CNTNAP2: variants seen among roughly 807,000 people sequenced by gnomAD.
The protein encoded by CNTNAP2 is contactin associated protein 2, also known as contactin-associated protein-like 2.
A neutral mutation model predicts 155.2 loss-of-function variants in CNTNAP2; 98 were observed. The observed-to-expected ratio is 0.63, with a 90% CI of 0.54 to 0.75. CNTNAP2 has a LOEUF of 0.75. Among genes scored for constraint, CNTNAP2 ranks in the 30% least tolerant of loss-of-function variants. The pLI, the probability that CNTNAP2 is intolerant of heterozygous loss-of-function variation, is 0.00. For synonymous variants in CNTNAP2, 651 were observed against 631.2 expected (o/e 1.03, Z -0.47); for missense variants, 1,727 against 1,688.1 (o/e 1.02, Z -0.40).
At chr7:146,746,998 G>C (rs1002969053) in intron 1 of CNTNAP2, among the ~76,000 whole-genome samples, 1 of 152,046 alleles carries the variant, frequency 6.6e-6, no homozygotes, top group African/African-American at 2.4e-5. Flanking sequence ...AGAGTATAAA[G>C]CTCTTGATAC....
chr7:148,050,985 C>G lies in CNTNAP2; in HGVS notation c.2384-67133C>G, dbSNP rs2710134. Reference sequence around the variant, plus strand: ...GCATTCTGTGATGTTTGCATGACAACAAAATTGCCTAGAGACACACTCCTC... The same window carrying G: ...GCATTCTGTGATGTTTGCATGACAAGAAAATTGCCTAGAGACACACTCCTC... On this transcript the variant is annotated intron_variant, in intron 15 of 23. Coordinates refer to ENST00000361727, the MANE Select transcript of CNTNAP2 (RefSeq NM_014141.6). Among the ~76,000 whole-genome samples the G allele has an allele frequency of 9.5e-3, 1,443 of 152,270 alleles. 26 individuals are homozygous for G. Among genetic ancestry groups the G allele is most frequent in the African/African-American group, 0.033 (1,383 of 41,534 alleles).
chr7:146,306,910 A>G (rs1800723405), intron 1 of CNTNAP2, among the ~76,000 whole-genome samples: 1 of 152,154 alleles, frequency 6.6e-6, no homozygotes, highest in South Asian at 2.1e-4. Context: ...ATTCCCTTTG[A>G]AAACGGGCAC....
chr7:147,460,806 A>G (rs1798008898), intron 10 of CNTNAP2, among the ~76,000 whole-genome samples: 1 of 152,236 alleles, frequency 6.6e-6, no homozygotes, highest in African/African-American at 2.4e-5. Context: ...CATCTGATGC[A>G]GCTGTCAGTG....
At chr7:146,248,287 C>T (rs1484498463) in intron 1 of CNTNAP2, among the ~76,000 whole-genome samples, 1 of 151,856 alleles carries the variant, frequency 6.6e-6, no homozygotes, top group African/African-American at 2.4e-5. Context: ...GTTTCTTGCC[C>T]CCCAGAAAGG....
chr7:147,802,181 C>T (rs860390), intron 13 of CNTNAP2, among the ~76,000 whole-genome samples: 9,977 of 137,120 alleles, frequency 0.073, 1,157 homozygotes, highest in African/African-American at 0.26. Flanking sequence ...CCAGACGGGG[C>T]GGCGGGGCAG....
chr7:146,397,682 C>A (rs1170712862), intron 1 of CNTNAP2, among the ~76,000 whole-genome samples: 1 of 151,916 alleles, frequency 6.6e-6, no homozygotes, highest in African/African-American at 2.4e-5. Flanking sequence ...TCTGGAAATA[C>A]CCACCCCTCC....
chr7:146,455,619 T>A (rs1015256108), intron 1 of CNTNAP2, among the ~76,000 whole-genome samples: 1 of 152,168 alleles, frequency 6.6e-6, no homozygotes, highest in Non-Finnish European at 1.5e-5. Context: ...TAATTTAAAA[T>A]TCATAGGGTC....
chr7:147,277,284 C>G (rs1000787542), intron 8 of CNTNAP2, among the ~76,000 whole-genome samples: 1 of 151,852 alleles, frequency 6.6e-6, no homozygotes, highest in African/African-American at 2.4e-5. Context: ...TCTCCATTTA[C>G]GTAGTCATAG....
intron 2 of CNTNAP2, among the ~76,000 whole-genome samples, chr7:146,805,588 A>AG (rs1261724724): frequency 4.6e-5 from 7 of 152,192 alleles, no homozygotes; most frequent in Non-Finnish European, 1.0e-4. Flanking sequence ...GAACAGCAAG[A>AG]GGGAGGGATG....
chr7:147,101,127 C>G (rs77855867), intron 4 of CNTNAP2, among the ~76,000 whole-genome samples: 1 of 152,214 alleles, frequency 6.6e-6, no homozygotes, highest in South Asian at 2.1e-4. Context: ...CGTTTACCAT[C>G]AGGAGCACAT....
In CNTNAP2 at chr7:146,278,684, A is replaced by T. The variant is rs547617197; in HGVS notation, c.97+161711A>T. Among the ~76,000 whole-genome samples the T allele has an allele frequency of 5.9e-5, 9 of 152,298 alleles. No homozygotes were observed. In the South Asian group the frequency reaches 1.7e-3, roughly 28 times the overall value. ...TCTTGAAGGTATCATTTTGCCTGAC[A>T]GTATAAGCAAAAAGCAGAAAATAGT... On this transcript the variant is annotated intron_variant, in intron 1 of 23. Transcript: ENST00000361727.
chr7:147,064,955 T>A (rs980717371), intron 4 of CNTNAP2, among the ~76,000 whole-genome samples: 3 of 152,112 alleles, frequency 2.0e-5, no homozygotes, highest in Non-Finnish European at 4.4e-5. Flanking sequence ...CCTGTCCAAA[T>A]GAAAAATAAA....
intron 22 of CNTNAP2, among the ~76,000 whole-genome samples, chr7:148,387,407 C>T (rs1799235781): frequency 6.6e-6 from 1 of 152,168 alleles, no homozygotes; most frequent in South Asian, 2.1e-4. Context: ...GCCTTTCTAC[C>T]TGTAAATAAC....
chr7:148,292,475 A>T (rs970204711), intron 21 of CNTNAP2, among the ~76,000 whole-genome samples: 1 of 152,222 alleles, frequency 6.6e-6, no homozygotes, highest in African/African-American at 2.4e-5. Context: ...GTTTGTAGTG[A>T]TGAAAACAAA....
At chr7:146,368,406 A>T (rs1197072376) in intron 1 of CNTNAP2, among the ~76,000 whole-genome samples, 1 of 152,144 alleles carries the variant, frequency 6.6e-6, no homozygotes, top group Non-Finnish European at 1.5e-5. Flanking sequence ...AACATCCCAG[A>T]TTGGTATGGT....
chr7:146,904,948 C>CAAAA (rs930052997), intron 3 of CNTNAP2, among the ~76,000 whole-genome samples: 1 of 152,138 alleles, frequency 6.6e-6, no homozygotes, highest in African/African-American at 2.4e-5. Flanking sequence ...TTTGTCCTTA[C>CAAAA]ACCTTACCAC....
chr7:146,277,352 A>G (rs1800180762), intron 1 of CNTNAP2, among the ~76,000 whole-genome samples: 1 of 152,202 alleles, frequency 6.6e-6, no homozygotes, highest in Non-Finnish European at 1.5e-5. Flanking sequence ...GAAGAAATAT[A>G]TAGGAGTAAA....
intron 1 of CNTNAP2, among the ~76,000 whole-genome samples, chr7:146,708,132 T>A (rs369468931): frequency 6.6e-5 from 10 of 152,230 alleles, no homozygotes; most frequent in African/African-American, 2.4e-4. Flanking sequence ...CAATGAACAC[T>A]TATAGCCTGT....
intron 17 of CNTNAP2, among the ~76,000 whole-genome samples, chr7:148,170,009 A>G (rs1359015406): frequency 6.6e-6 from 1 of 152,210 alleles, no homozygotes; most frequent in African/African-American, 2.4e-5. Context: ...AAGTTTCAAA[A>G]CAATGTGTAT....
Sources: gnomAD v4.1 joint callset for allele counts (sites outside exome capture counted in the v4.1 genomes callset) on GRCh38, gnomAD v4.1.1 for gene constraint, MANE v1.5 for transcripts, NCBI Gene and HGNC (gene_info 2026-07-23, HGNC 2026-07-21) for gene names.